SH3RF1: variants seen among roughly 807,000 people sequenced by gnomAD.
SH3RF1 encodes E3 ubiquitin-protein ligase SH3RF1.
A neutral mutation model predicts 74.0 loss-of-function variants in SH3RF1; 32 were observed. The ratio of observed to expected loss-of-function variants is 0.43; its 90% CI spans 0.33 to 0.58. The LOEUF is 0.58. SH3RF1 is among the 20% of genes least tolerant of loss of function. The pLI is 0.05. For missense variants in SH3RF1, 954 were observed against 1,130.9 expected, an observed-to-expected ratio of 0.84 and a Z score of 2.24; for synonymous variants, 396 against 439.6, an observed-to-expected ratio of 0.90 and a Z score of 1.24.
At chr4:169,180,073 G>C (rs1217980074) in intron 2 of SH3RF1, among the ~76,000 whole-genome samples, 1 of 152,118 alleles carries the variant, frequency 6.6e-6, no homozygotes, top group Non-Finnish European at 1.5e-5. Flanking sequence ...AGAAACAAAA[G>C]AAAAAACTTG....
Position 169,156,470 on chromosome 4 carries a change from G to GTCATAAAGCCC in SH3RF1, c.602_603insGGGCTTTATGA (p.Cys201TrpfsTer13). 6.2e-7 allele frequency: 1 copy of GTCATAAAGCCC among 1,613,582 alleles called. No homozygotes were observed. The highest frequency in any genetic ancestry group is 8.5e-7 in the Non-Finnish European group (1 of 1,179,594). On this transcript the variant is annotated frameshift_variant, in exon 3 of 12. Coordinates refer to ENST00000284637, the MANE Select transcript of SH3RF1 (RefSeq NM_020870.4). LOFTEE classifies it high-confidence loss of function. ...TCACTTCAAAGTCATAAAGTGCTTT[G>GTCATAAAGCCC]CACTGAGGTGGGGGCTGAGGTAACG...
At chr4:169,171,122 CAG>C (rs1734320585) in intron 2 of SH3RF1, among the ~76,000 whole-genome samples, 2 of 152,352 alleles carry the variant, frequency 1.3e-5, no homozygotes, top group African/African-American at 2.4e-5. Flanking sequence ...TTGCAGGAAT[CAG>C]AGTTCTGGCC....
chr4:169,129,917 A>T, intron 6 of SH3RF1, 129 bp downstream of exon 6: 1 of 726,614 alleles, frequency 1.4e-6, no homozygotes, highest in South Asian at 1.9e-5. Flanking sequence ...GAGATAATAG[A>T]TGAAAGATAG....
At chr4:169,115,014 CCA>C (rs1733307957) in intron 10 of SH3RF1, among the ~76,000 whole-genome samples, 2 of 152,074 alleles carry the variant, frequency 1.3e-5, no homozygotes, top group Non-Finnish European at 2.9e-5. Flanking sequence ...AGATCCGTTA[CCA>C]TCTCTTCTTT....
intron 11 of SH3RF1, among the ~76,000 whole-genome samples, chr4:169,100,259 C>T (rs1039025623): frequency 7.9e-5 from 12 of 152,178 alleles, no homozygotes; most frequent in Non-Finnish European, 1.3e-4. Context: ...GCTGATCTAC[C>T]TTCAAAATCT....
At chr4:169,142,052 T>C (rs184557649) in intron 4 of SH3RF1, among the ~76,000 whole-genome samples, 209 of 152,226 alleles carry the variant, frequency 1.4e-3, no homozygotes, top group Non-Finnish European at 2.4e-3. Flanking sequence ...TCTCCTGAGC[T>C]TGTGATCCAC....
rs1477626249 is a variant in SH3RF1 at position 169,116,331 on chromosome 4, G to T, written c.2077C>A (p.Pro693Thr). The T allele has an allele frequency of 6.2e-7, 1 of 1,614,144 alleles. No individual in the cohort carries two copies. The highest frequency in any genetic ancestry group is 2.2e-5 in the East Asian group (1 of 44,882). The change falls in exon 10 of 12, where the codon CCT (proline) becomes ACT (threonine). Residue 693 changes from proline to threonine, a missense_variant. Coordinates refer to ENST00000284637, the MANE Select transcript of SH3RF1 (RefSeq NM_020870.4). Reference protein sequence around the residue: ...VTVLPGLPTSPDSASSACGNS... With the variant: ...VTVLPGLPTSTDSASSACGNS... ...CCACAAGCTGATGAAGCACTGTCAG[G>T]AGATGTGGGGAGTCCAGGGAGAACG...
chr4:169,144,115 T>C (rs1733831636), intron 4 of SH3RF1, among the ~76,000 whole-genome samples: 1 of 152,162 alleles, frequency 6.6e-6, no homozygotes, highest in Non-Finnish European at 1.5e-5. Flanking sequence ...TAACATCAAT[T>C]TTACACACCC....
At chr4:169,195,840 T>C (rs1355289990) in intron 2 of SH3RF1, among the ~76,000 whole-genome samples, 1 of 152,142 alleles carries the variant, frequency 6.6e-6, no homozygotes, top group African/African-American at 2.4e-5. Flanking sequence ...AGCACAATTA[T>C]TTTATTTTTA....
intron 2 of SH3RF1, among the ~76,000 whole-genome samples, chr4:169,258,785 A>T (rs1412861497): frequency 6.6e-6 from 1 of 152,240 alleles, no homozygotes; most frequent in African/African-American, 2.4e-5. Flanking sequence ...GTTTGTTTTT[A>T]AAAACTTTTA....
intron 2 of SH3RF1, among the ~76,000 whole-genome samples, chr4:169,220,962 GACAA>G (rs1730556203): frequency 6.6e-6 from 1 of 152,226 alleles, no homozygotes; most frequent in Non-Finnish European, 1.5e-5. Flanking sequence ...AAGTTTAGCA[GACAA>G]ACAATTCTGG....
chr4:169,171,777 T>C (rs1357460067), intron 2 of SH3RF1, among the ~76,000 whole-genome samples: 1 of 152,030 alleles, frequency 6.6e-6, no homozygotes, highest in Non-Finnish European at 1.5e-5. Context: ...CACAGAAGAC[T>C]CCTAGAGAAA....
intron 2 of SH3RF1, among the ~76,000 whole-genome samples, chr4:169,213,756 A>G (rs1323465261): frequency 6.6e-6 from 1 of 152,228 alleles, no homozygotes. Context: ...TCCAGCAGCC[A>G]TTTGTTGAAA....
chr4:169,248,795 T>C (rs2110742900), intron 2 of SH3RF1, among the ~76,000 whole-genome samples: 1 of 152,328 alleles, frequency 6.6e-6, no homozygotes, highest in South Asian at 2.1e-4. Flanking sequence ...TACTCCAGAT[T>C]GAAGTGCACT....
At chr4:169,168,544 G>T in intron 2 of SH3RF1, among the ~76,000 whole-genome samples, 1 of 152,168 alleles carries the variant, frequency 6.6e-6, no homozygotes, top group South Asian at 2.1e-4. Context: ...CCATGAAAAG[G>T]TCTTACACAA....
intron 2 of SH3RF1, among the ~76,000 whole-genome samples, chr4:169,236,099 A>T (rs1355825749): frequency 6.6e-6 from 1 of 152,230 alleles, no homozygotes; most frequent in Non-Finnish European, 1.5e-5. Context: ...CTGGCACAGC[A>T]TCTGTAGCCC....
chr4:169,176,746 G>T (rs184962717), intron 2 of SH3RF1, among the ~76,000 whole-genome samples: 1 of 152,214 alleles, frequency 6.6e-6, no homozygotes, highest in East Asian at 1.9e-4. Flanking sequence ...TTTACATGTT[G>T]GCTAGGCTGG....
intron 2 of SH3RF1, among the ~76,000 whole-genome samples, chr4:169,189,773 TG>T (rs1734669439): frequency 6.6e-6 from 1 of 152,152 alleles, no homozygotes; most frequent in African/African-American, 2.4e-5. Context: ...ATTCAAGGGT[TG>T]TAAGGCTGAA....
At chr4:169,197,326 T>TA (rs1224817089) in intron 2 of SH3RF1, among the ~76,000 whole-genome samples, 3 of 151,948 alleles carry the variant, frequency 2.0e-5, no homozygotes, top group Non-Finnish European at 2.9e-5. Flanking sequence ...TATTTTTACT[T>TA]ATAAAAAAGC....
Sources: allele counts gnomAD v4.1 joint callset (sites outside exome capture counted in the v4.1 genomes callset), GRCh38; gene constraint gnomAD v4.1.1; transcripts MANE v1.5; gene names NCBI Gene and HGNC (gene_info 2026-07-23, HGNC 2026-07-21).